Variants in CCDC3 observed in about 807,000 individuals in gnomAD.
CCDC3 encodes the protein coiled-coil domain containing 3, also known as coiled-coil domain-containing protein 3.
Under a neutral mutation model 21.4 loss-of-function variants are expected in CCDC3, and 24 were observed. That is an observed-to-expected ratio of 1.12 (90% CI 0.81 to 1.58). The LOEUF (loss-of-function observed/expected upper bound fraction) is 1.58, where lower values mean the gene tolerates loss of function less well. Ranked by LOEUF, CCDC3 falls within the 40% of genes most tolerant of loss-of-function variation. The pLI, the probability that CCDC3 is intolerant of heterozygous loss-of-function variation, is 0.00. For missense variants in CCDC3, 425 were observed against 360.9 expected, an observed-to-expected ratio of 1.18 and a Z score of -1.44; for synonymous variants, 186 against 166.0, an observed-to-expected ratio of 1.12 and a Z score of -0.93.
At chr10:13,065,187 T>A (rs577084346) in intron 4 of CCDC3, among the ~76,000 whole-genome samples, 2 of 152,364 alleles carry the variant, frequency 1.3e-5, no homozygotes, top group East Asian at 3.9e-4. Context: ...TTTAATTAGA[T>A]TAACCTGCCT....
intron 2 of CCDC3, among the ~76,000 whole-genome samples, chr10:12,979,809 G>T (rs1438985474): frequency 6.6e-6 from 1 of 152,116 alleles, no homozygotes; most frequent in Non-Finnish European, 1.5e-5. Context: ...TTTGGTTAAT[G>T]ATATGGGTTG....
chr10:13,039,941 G>A (rs916560477), intron 5 of CCDC3, among the ~76,000 whole-genome samples: 4 of 151,770 alleles, frequency 2.6e-5, no homozygotes, highest in Admixed American at 1.3e-4. Context: ...TCCTGCCTGA[G>A]CTGCCTATAG....
intron 5 of CCDC3, among the ~76,000 whole-genome samples, chr10:13,014,449 CAAAAAAAAGAAAA>C (rs1176788914): frequency 1.9e-4 from 7 of 36,344 alleles, no homozygotes; most frequent in African/African-American, 5.2e-4. Flanking sequence ...GACTCTGTCT[CAAAAAAAAGAAAA>C]AAAAAAAAGA....
At chr10:13,007,811 GTTC>G (rs1354747707) in intron 5 of CCDC3, among the ~76,000 whole-genome samples, 1 of 152,230 alleles carries the variant, frequency 6.6e-6, no homozygotes. Flanking sequence ...AAATGAGTGA[GTTC>G]TTCTTCTTTC....
intron 2 of CCDC3, among the ~76,000 whole-genome samples, chr10:12,931,622 G>C (rs1308813877): frequency 6.6e-6 from 1 of 152,234 alleles, no homozygotes; most frequent in Non-Finnish European, 1.5e-5. Flanking sequence ...GTGGTGTTCT[G>C]AGAGTCATTC....
intron 2 of CCDC3, among the ~76,000 whole-genome samples, chr10:12,927,038 G>A (rs1834553058): frequency 6.6e-6 from 1 of 152,132 alleles, no homozygotes; most frequent in South Asian, 2.1e-4. Context: ...TAGCAACCAA[G>A]AAAGAGGCCC....
At chr10:13,038,329 T>C (rs982841189) in intron 5 of CCDC3, among the ~76,000 whole-genome samples, 1 of 145,366 alleles carries the variant, frequency 6.9e-6, no homozygotes, top group African/African-American at 2.6e-5. Context: ...CCTATGTAAA[T>C]GTGCACATCC....
chr10:13,095,110 C>T (rs1055194199), intron 3 of CCDC3, among the ~76,000 whole-genome samples: 1 of 148,730 alleles, frequency 6.7e-6, no homozygotes, highest in Non-Finnish European at 1.5e-5. Flanking sequence ...CTATTAGAGG[C>T]ATAGACACGC....
chr10:13,076,831 C>G (rs1836970613), intron 3 of CCDC3, among the ~76,000 whole-genome samples: 1 of 152,142 alleles, frequency 6.6e-6, no homozygotes, highest in African/African-American at 2.4e-5. Context: ...AATTGTCAGC[C>G]AATCGGGTTC....
chr10:12,930,408 A>G (rs1834620327), intron 2 of CCDC3, among the ~76,000 whole-genome samples: 1 of 152,258 alleles, frequency 6.6e-6, no homozygotes, highest in East Asian at 1.9e-4. Context: ...AATGGAAAAC[A>G]TTCTTTTCCC....
At chr10:12,990,059 T>C (rs1387157371) in intron 2 of CCDC3, among the ~76,000 whole-genome samples, 1 of 152,056 alleles carries the variant, frequency 6.6e-6, no homozygotes, top group Non-Finnish European at 1.5e-5. Context: ...GAGACCATCC[T>C]GGCTAACACA....
intron 2 of CCDC3, among the ~76,000 whole-genome samples, chr10:12,927,819 T>G (rs1297806041): frequency 1.3e-5 from 2 of 152,202 alleles, no homozygotes; most frequent in African/African-American, 2.4e-5. Flanking sequence ...AGCAGGAACT[T>G]TTTTCAATTC....
At chr10:13,099,716 T>C (rs1427161361), upstream of CCDC3, 1 of 151,988 alleles carries the variant, frequency 6.6e-6, no homozygotes, top group Non-Finnish European at 1.5e-5. Flanking sequence ...GTTAACCTTT[T>C]TTCAAAAAAC....
intron 5 of CCDC3, among the ~76,000 whole-genome samples, chr10:13,011,511 C>A (rs1835984024): frequency 6.6e-6 from 1 of 152,050 alleles, no homozygotes; most frequent in South Asian, 2.1e-4. Flanking sequence ...ATAAGAATTA[C>A]AAAACGGCTG....
At chr10:12,971,339 T>C (rs982498002) in intron 2 of CCDC3, among the ~76,000 whole-genome samples, 1 of 152,218 alleles carries the variant, frequency 6.6e-6, no homozygotes, top group African/African-American at 2.4e-5. Flanking sequence ...GGACATTTGC[T>C]TGCCTTAACA....
At chr10:13,044,485 T>G (rs541548178) in intron 5 of CCDC3, among the ~76,000 whole-genome samples, 54 of 152,352 alleles carry the variant, frequency 3.5e-4, no homozygotes, top group African/African-American at 1.1e-3. Flanking sequence ...TTTAAGGTCT[T>G]ACGTTTAAAT....
intron 3 of CCDC3, among the ~76,000 whole-genome samples, chr10:13,097,832 C>T (rs993406086): frequency 3.9e-5 from 6 of 152,352 alleles, no homozygotes; most frequent in African/African-American, 1.4e-4. Flanking sequence ...AACACCCTGA[C>T]ACTGTCTGAC....
intron 4 of CCDC3, chr10:13,058,304 AC>A: frequency 7.4e-7 from 1 of 1,360,132 alleles, no homozygotes; most frequent in East Asian, 2.3e-5. Flanking sequence ...ATCGCCAGTC[AC>A]CTTCACTTGG....
chr10:13,029,874 C>A (rs1011772147), intron 5 of CCDC3, among the ~76,000 whole-genome samples: 1 of 152,100 alleles, frequency 6.6e-6, no homozygotes, highest in Non-Finnish European at 1.5e-5. Context: ...ATTGGTATAC[C>A]TGAAAGTGAC....
Sources: allele counts gnomAD v4.1 joint callset (sites outside exome capture counted in the v4.1 genomes callset), GRCh38; gene constraint gnomAD v4.1.1; transcripts MANE v1.5; gene names NCBI Gene and HGNC (gene_info 2026-07-23, HGNC 2026-07-21).